STK39: variants seen among roughly 807,000 people sequenced by gnomAD.
STK39 encodes STE20/SPS1-related proline-alanine-rich protein kinase.
A neutral mutation model predicts 77.8 loss-of-function variants in STK39; 20 were observed. The ratio of observed to expected loss-of-function variants is 0.26; its 90% CI spans 0.18 to 0.37. STK39 has a LOEUF of 0.37. Among genes scored for constraint, STK39 ranks in the 10% least tolerant of loss-of-function variants. The pLI is 1.00. For synonymous variants in STK39, 246 were observed against 234.1 expected, an observed-to-expected ratio of 1.05 and a Z score of -0.47; for missense variants, 479 against 656.5, an observed-to-expected ratio of 0.73 and a Z score of 2.95.
chr2:168,105,535 A>G (rs963322659), intron 10 of STK39, among the ~76,000 whole-genome samples: 4 of 152,238 alleles, frequency 2.6e-5, no homozygotes, highest in African/African-American at 9.6e-5. Flanking sequence ...TGTGAAAGGG[A>G]GCCTGGGCTC....
At chr2:168,009,420 G>A (rs1684212670) in intron 16 of STK39, among the ~76,000 whole-genome samples, 1 of 152,130 alleles carries the variant, frequency 6.6e-6, no homozygotes, top group African/African-American at 2.4e-5. Context: ...TCTCCCAGGG[G>A]ACACAAGAAC....
chr2:168,018,568 A>AAGAAAGAAAGAC (rs1188488431), intron 14 of STK39, among the ~76,000 whole-genome samples: 1 of 143,324 alleles, frequency 7.0e-6, no homozygotes, highest in Non-Finnish European at 1.5e-5. Context: ...GAAAGAAAGA[A>AAGAAAGAAAGAC]AGAAAGAAAG....
At chr2:168,235,433 C>T (rs1415642049) in intron 1 of STK39, among the ~76,000 whole-genome samples, 3 of 143,162 alleles carry the variant, frequency 2.1e-5, no homozygotes, top group Admixed American at 6.8e-5. Flanking sequence ...GGCAGAATCA[C>T]GAGCCTGGGA....
At chr2:167,977,044 T>C (rs1415484851) in intron 16 of STK39, among the ~76,000 whole-genome samples, 1 of 152,168 alleles carries the variant, frequency 6.6e-6, no homozygotes, top group African/African-American at 2.4e-5. Flanking sequence ...AGAAGGGATG[T>C]ATGAGGAATA....
intron 10 of STK39, among the ~76,000 whole-genome samples, chr2:168,092,599 A>T (rs148415745): frequency 2.0e-5 from 3 of 152,366 alleles, no homozygotes; most frequent in Non-Finnish European, 4.4e-5. Context: ...TTCAAGCTTC[A>T]GAATCCATGG....
At chr2:168,036,222 GAA>G (rs34348905) in intron 14 of STK39, among the ~76,000 whole-genome samples, 2 of 146,706 alleles carry the variant, frequency 1.4e-5, no homozygotes, top group African/African-American at 2.5e-5. Flanking sequence ...TCCATACAGG[GAA>G]AAAAAAAAAA....
intron 4 of STK39, among the ~76,000 whole-genome samples, chr2:168,162,952 G>A (rs1688611795): frequency 1.3e-5 from 2 of 151,724 alleles, no homozygotes; most frequent in South Asian, 2.1e-4. Flanking sequence ...GCTTGAACTC[G>A]GGAGGCAGAG....
chr2:168,009,397 G>A (rs1373273096), intron 16 of STK39, among the ~76,000 whole-genome samples: 2 of 152,064 alleles, frequency 1.3e-5, no homozygotes, highest in African/African-American at 2.4e-5. Context: ...AACAAACAAG[G>A]AAAAGCTACT....
rs577516308 is a variant in STK39 at position 167,971,466 on chromosome 2, G to GA, written c.1499-6741dup. On this transcript the variant is annotated intron_variant, in intron 16 of 17. Coordinates refer to ENST00000355999, the MANE Select transcript of STK39 (RefSeq NM_013233.3). ...TCATTTTTCTTCTGCACGTAGGTAG[G>GA]AAAAAAATTATTTGCTAAGTTAATC... Among the ~76,000 whole-genome samples the GA allele has an allele frequency of 6.0e-4, 91 of 152,006 alleles. 2 individuals are homozygous for GA. In the South Asian group the frequency reaches 0.015, roughly 25 times the overall value.
In STK39 at chr2:168,027,579, T is replaced by C. The variant is rs190029502; in HGVS notation, c.1377-10484A>G. 3.8e-4 allele frequency among the ~76,000 whole-genome samples: 58 copies of C among 152,328 alleles called. No individual in the cohort carries two copies. In the East Asian group the frequency reaches 9.5e-3, roughly 25 times the overall value. On this transcript the variant is annotated intron_variant, in intron 14 of 17. Transcript: ENST00000355999. ...ACTAAGTGATATACATACATGCATG[T>C]ACACATACACATGTATGTACACACA...
chr2:168,228,085 G>A (rs1261483025), intron 1 of STK39, among the ~76,000 whole-genome samples: 4 of 152,202 alleles, frequency 2.6e-5, no homozygotes, highest in Admixed American at 6.5e-5. Flanking sequence ...CAGACATTAA[G>A]AGTAGATTGT....
At chr2:168,140,479 T>C in intron 6 of STK39, 89 bp from the exon 7 acceptor site, 2 of 1,278,794 alleles carry the variant, frequency 1.6e-6, no homozygotes, top group Non-Finnish European at 2.3e-6. Context: ...TCCACAGCTG[T>C]TGATGTATAA....
chr2:167,993,186 T>C (rs1378870775), intron 16 of STK39, among the ~76,000 whole-genome samples: 1 of 152,212 alleles, frequency 6.6e-6, no homozygotes, highest in African/African-American at 2.4e-5. Context: ...ATGGGAGTAC[T>C]ATAGAGCTGG....
intron 1 of STK39, among the ~76,000 whole-genome samples, chr2:168,199,736 A>C (rs1689566747): frequency 6.6e-6 from 1 of 152,134 alleles, no homozygotes. Context: ...GCTGGTCTCA[A>C]ACTCCTGACC....
At chr2:168,207,305 A>G (rs1466401767) in intron 1 of STK39, among the ~76,000 whole-genome samples, 1 of 152,218 alleles carries the variant, frequency 6.6e-6, no homozygotes, top group Non-Finnish European at 1.5e-5. Flanking sequence ...ACACACCCTA[A>G]CGAGGGAAGT....
intron 16 of STK39, among the ~76,000 whole-genome samples, chr2:167,995,820 C>A (rs1683824582): frequency 6.6e-6 from 1 of 152,138 alleles, no homozygotes; most frequent in South Asian, 2.1e-4. Context: ...CTCTTTGGCA[C>A]CAGAAATTGT....
chr2:168,068,065 A>T (rs1685840350), intron 12 of STK39, among the ~76,000 whole-genome samples: 2 of 152,196 alleles, frequency 1.3e-5, no homozygotes, highest in Non-Finnish European at 2.9e-5. Context: ...ATCTCATGAG[A>T]CTTATACACT....
chr2:168,146,819 C>T (rs911249889), intron 5 of STK39, among the ~76,000 whole-genome samples: 1 of 151,986 alleles, frequency 6.6e-6, no homozygotes, highest in African/African-American at 2.4e-5. Context: ...ATCAACAGAG[C>T]CTGTATATGA....
rs1574349354 is a variant in STK39, at chr2:167,964,583, T to C, written c.1563+79A>G. 2.0e-5 allele frequency: 26 copies of C among 1,276,106 alleles called. No homozygotes were observed. In the South Asian group the frequency reaches 3.4e-4, roughly 16 times the overall value. The allele number at this position is 1,276,106 out of a possible 1,614,324, so 79.0% of individuals were successfully genotyped here. ...AACAACAGCAAAATTACAGAGTAGG[T>C]TATTAAACTAGATTATTATTCCCTG... On this transcript the variant is annotated intron_variant, in intron 17 of 17. Transcript: ENST00000355999.
Sources: allele counts gnomAD v4.1 joint callset (sites outside exome capture counted in the v4.1 genomes callset), GRCh38; gene constraint gnomAD v4.1.1; transcripts MANE v1.5; gene names NCBI Gene and HGNC (gene_info 2026-07-23, HGNC 2026-07-21).